Variants in FOXN3 observed in about 807,000 individuals in gnomAD.
The protein encoded by FOXN3 is forkhead box N3, also known as forkhead box protein N3.
Under a neutral mutation model 38.4 loss-of-function variants are expected in FOXN3, and 7 were observed. That is an observed-to-expected ratio of 0.18 (90% CI 0.10 to 0.34). The LOEUF (loss-of-function observed/expected upper bound fraction) is 0.34. FOXN3 is among the 10% of genes least tolerant of loss of function. The probability of loss-of-function intolerance (pLI) is 1.00; values close to 1 mark genes in which losing one functional copy is unlikely to be tolerated. For missense variants in FOXN3, 456 were observed against 613.4 expected (o/e 0.74, Z 2.71); for synonymous variants, 230 against 242.2 (o/e 0.95, Z 0.47).
intron 1 of FOXN3, among the ~76,000 whole-genome samples, chr14:89,550,310 A>G (rs1038997205): frequency 3.3e-5 from 5 of 152,124 alleles, no homozygotes; most frequent in Admixed American, 2.6e-4. Flanking sequence ...GCAGGTCTTC[A>G]TTTTCCAAAT....
At chr14:89,434,482 G>A (rs751732358) in intron 1 of FOXN3, among the ~76,000 whole-genome samples, 13 of 151,656 alleles carry the variant, frequency 8.6e-5, no homozygotes, top group South Asian at 4.2e-4. Flanking sequence ...CACCTGCCTC[G>A]GACTCTCAAA....
chr14:89,374,290 A>AAAAAAAAAAAAAAG (rs60304712), intron 2 of FOXN3, among the ~76,000 whole-genome samples: 1 of 126,160 alleles, frequency 7.9e-6, no homozygotes, highest in Non-Finnish European at 1.7e-5. Flanking sequence ...AAAAAAAAAA[A>AAAAAAAAAAAAAAG]GAAGGAAGGA....
At chr14:89,295,956 T>C (rs1453650976) in intron 3 of FOXN3, among the ~76,000 whole-genome samples, 1 of 151,996 alleles carries the variant, frequency 6.6e-6, no homozygotes, top group East Asian at 1.9e-4. Flanking sequence ...AACTAGCCTA[T>C]AGTAACACAT....
intron 1 of FOXN3, among the ~76,000 whole-genome samples, chr14:89,496,580 A>G (rs1387103980): frequency 6.6e-6 from 1 of 152,190 alleles, no homozygotes; most frequent in Non-Finnish European, 1.5e-5. Context: ...TCCCTAAGGA[A>G]GTAAGCCATT....
intron 1 of FOXN3, among the ~76,000 whole-genome samples, chr14:89,567,608 A>C (rs947469019): frequency 1.3e-5 from 2 of 152,104 alleles, no homozygotes. Flanking sequence ...AAGTGGTACC[A>C]AGGGAAGATT....
At chr14:89,300,398 T>G (rs1230441120) in intron 3 of FOXN3, among the ~76,000 whole-genome samples, 3 of 152,138 alleles carry the variant, frequency 2.0e-5, no homozygotes, top group African/African-American at 7.2e-5. Context: ...GCCAGGTTGG[T>G]CTCGAACTCC....
chr14:89,384,312 T>C (rs996608960), intron 2 of FOXN3, among the ~76,000 whole-genome samples: 5 of 133,040 alleles, frequency 3.8e-5, no homozygotes, highest in Non-Finnish European at 8.6e-5. Context: ...CTGTGCTCAC[T>C]TTGCAGATAT....
chr14:89,413,940 G>A (rs1891618713), intron 1 of FOXN3, among the ~76,000 whole-genome samples: 1 of 133,744 alleles, frequency 7.5e-6, no homozygotes, highest in East Asian at 2.3e-4. Flanking sequence ...GGGAGGGGGA[G>A]GAGAAGGGGG....
intron 1 of FOXN3, among the ~76,000 whole-genome samples, chr14:89,534,385 A>G (rs774497898): frequency 6.6e-6 from 1 of 152,116 alleles, no homozygotes; most frequent in Admixed American, 6.5e-5. Flanking sequence ...TATAGGCATG[A>G]GCCAGCATGC....
At chr14:89,415,504 C>CTT in intron 1 of FOXN3, among the ~76,000 whole-genome samples, 1 of 151,334 alleles carries the variant, frequency 6.6e-6, no homozygotes, top group Non-Finnish European at 1.5e-5. Flanking sequence ...ACTCTCCAAC[C>CTT]ACTCACTGCA....
intron 3 of FOXN3, among the ~76,000 whole-genome samples, chr14:89,329,701 C>T (rs1341736825): frequency 6.6e-6 from 1 of 151,826 alleles, no homozygotes; most frequent in African/African-American, 2.4e-5. Context: ...ACTAAAAATA[C>T]AAAACAAATT....
chr14:89,240,887 G>C (rs1041612782), intron 4 of FOXN3, among the ~76,000 whole-genome samples: 1 of 152,222 alleles, frequency 6.6e-6, no homozygotes, highest in African/African-American at 2.4e-5. Flanking sequence ...GGCCGGGCCT[G>C]GCTCCCAGGA....
At chr14:89,269,799 T>C (rs1886092722) in intron 4 of FOXN3, among the ~76,000 whole-genome samples, 2 of 149,306 alleles carry the variant, frequency 1.3e-5, no homozygotes, top group South Asian at 2.1e-4. Flanking sequence ...ACCCCGACTA[T>C]GCTTGTGCAG....
At chr14:89,249,319 T>G (rs781060726) in intron 4 of FOXN3, among the ~76,000 whole-genome samples, 3 of 152,138 alleles carry the variant, frequency 2.0e-5, no homozygotes, top group Non-Finnish European at 4.4e-5. Context: ...CTTTCCCCTT[T>G]CCCCTGACAG....
At chr14:89,355,840 C>T (rs78313143) in intron 2 of FOXN3, among the ~76,000 whole-genome samples, 91 of 152,200 alleles carry the variant, frequency 6.0e-4, no homozygotes, top group African/African-American at 2.2e-3. Flanking sequence ...CCCCTTCTCA[C>T]CACTTGTGAG....
intron 1 of FOXN3, among the ~76,000 whole-genome samples, chr14:89,603,974 C>T (rs1017241576): frequency 6.6e-6 from 1 of 152,118 alleles, no homozygotes; most frequent in Non-Finnish European, 1.5e-5. Context: ...AAAGTCTTTA[C>T]TAAAAATGTG....
intron 1 of FOXN3, among the ~76,000 whole-genome samples, chr14:89,464,937 A>C (rs1370416553): frequency 6.6e-6 from 1 of 151,894 alleles, no homozygotes; most frequent in Non-Finnish European, 1.5e-5. Flanking sequence ...ACCTCGTGAT[A>C]CGCCCACCTT....
intron 2 of FOXN3, among the ~76,000 whole-genome samples, chr14:89,364,178 A>T (rs928733491): frequency 6.6e-6 from 1 of 150,792 alleles, no homozygotes; most frequent in Non-Finnish European, 1.5e-5. Context: ...AACAAAACTG[A>T]TTACAAAGAA....
At chr14:89,580,212 G>A (rs1251832090) in intron 1 of FOXN3, among the ~76,000 whole-genome samples, 1 of 152,158 alleles carries the variant, frequency 6.6e-6, no homozygotes, top group Non-Finnish European at 1.5e-5. Flanking sequence ...CTTGTATTCG[G>A]CTCTTCCACC....
Sources: gnomAD v4.1 joint callset for allele counts (sites outside exome capture counted in the v4.1 genomes callset) on GRCh38, gnomAD v4.1.1 for gene constraint, MANE v1.5 for transcripts, NCBI Gene and HGNC (gene_info 2026-07-23, HGNC 2026-07-21) for gene names.